FREM1: variants seen among roughly 807,000 people sequenced by gnomAD.
FREM1 encodes the protein FRAS1-related extracellular matrix protein 1.
A neutral mutation model predicts 210.1 loss-of-function variants in FREM1; 220 were observed. That is an observed-to-expected ratio of 1.05 (90% CI 0.94 to 1.17). The LOEUF (loss-of-function observed/expected upper bound fraction) is 1.17. FREM1 is among the 50% of genes most tolerant of loss of function. FREM1 has a pLI of 0.00. For missense variants in FREM1, 3,454 were observed against 2,675.5 expected, an observed-to-expected ratio of 1.29 and a Z score of -6.42; for synonymous variants, 1,189 against 980.2, an observed-to-expected ratio of 1.21 and a Z score of -3.98.
rs764904063 is a variant in FREM1, at chr9:14,848,694, G to T, written c.1232C>A (p.Thr411Lys). The change falls in exon 7 of 37, where the codon ACA becomes AAA. Residue 411 changes from threonine to lysine, a missense_variant. Physicochemically the swap from Thr to Lys is moderately conservative, Grantham distance 78. Coordinates refer to ENST00000380880, the MANE Select transcript of FREM1 (RefSeq NM_001379081.2). ...TVHISIRTAD[T>K]NAPRVSWNTG... ...ATTCCAGGATACACGGGGGGCATTT[G>T]TATCTGCTGTTCTGATGGAGATGTG... 1.9e-5 allele frequency: 31 copies of T among 1,610,838 alleles called. No individual in the cohort carries two copies. In the East Asian group the frequency reaches 6.2e-4, roughly 32 times the overall value.
chr9:14,791,921 C>A (rs1329854199), intron 22 of FREM1, among the ~76,000 whole-genome samples: 3 of 152,050 alleles, frequency 2.0e-5, no homozygotes, highest in Non-Finnish European at 2.9e-5. Flanking sequence ...CAACCTCTCC[C>A]CCCTCTCCCG....
At chr9:14,847,043 G>A (rs1826769492) in intron 7 of FREM1, among the ~76,000 whole-genome samples, 1 of 152,326 alleles carries the variant, frequency 6.6e-6, no homozygotes, top group East Asian at 1.9e-4. Context: ...GCTAAGAGGG[G>A]CCAGATAACA....
intron 29 of FREM1, chr9:14,751,723 G>C (rs1405381853): frequency 6.6e-6 from 1 of 152,022 alleles, no homozygotes; most frequent in Non-Finnish European, 1.5e-5. Flanking sequence ...CCTCTCAACT[G>C]TCCATCTATA....
intron 1 of FREM1, among the ~76,000 whole-genome samples, chr9:14,883,336 T>C (rs1391632583): frequency 3.3e-5 from 5 of 152,214 alleles, no homozygotes; most frequent in African/African-American, 7.2e-5. Context: ...CAACTGAGCC[T>C]AGACTGAAGG....
chr9:14,764,444 T>A (rs1846039259), intron 27 of FREM1, among the ~76,000 whole-genome samples: 1 of 152,240 alleles, frequency 6.6e-6, no homozygotes, highest in Admixed American at 6.5e-5. Flanking sequence ...TGACTTATTC[T>A]GGATTCTTTG....
chr9:14,785,050 C>A (rs1266551022), intron 23 of FREM1, among the ~76,000 whole-genome samples: 1 of 152,146 alleles, frequency 6.6e-6, no homozygotes, highest in Admixed American at 6.6e-5. Context: ...GTCGAATGTT[C>A]ACGTATACCT....
intron 5 of FREM1, among the ~76,000 whole-genome samples, chr9:14,852,655 C>T (rs923407898): frequency 2.0e-5 from 3 of 152,186 alleles, no homozygotes; most frequent in African/African-American, 7.2e-5. Flanking sequence ...GATCATGCCA[C>T]AGTACTTCAG....
At chr9:14,883,268 GA>G (rs1835146508) in intron 1 of FREM1, among the ~76,000 whole-genome samples, 1 of 151,962 alleles carries the variant, frequency 6.6e-6, no homozygotes, top group African/African-American at 2.4e-5. Flanking sequence ...TAGGAGGGGG[GA>G]AAAGTACAAG....
intron 23 of FREM1, among the ~76,000 whole-genome samples, chr9:14,784,875 T>C (rs555845846): frequency 6.6e-6 from 1 of 152,344 alleles, no homozygotes; most frequent in South Asian, 2.1e-4. Context: ...TTAGTAATTA[T>C]GGAAATACAA....
chr9:14,799,550 T>C (rs916082608), intron 20 of FREM1, among the ~76,000 whole-genome samples: 1 of 152,106 alleles, frequency 6.6e-6, no homozygotes, highest in South Asian at 2.1e-4. Context: ...ACAATGATCA[T>C]ATAATTCTTA....
At chr9:14,907,797 TTTAGAAGAC>T (rs2132758703) in intron 1 of FREM1, among the ~76,000 whole-genome samples, 1 of 152,372 alleles carries the variant, frequency 6.6e-6, no homozygotes, top group African/African-American at 2.4e-5. Flanking sequence ...CATATCTGTG[TTTAGAAGAC>T]TGAGTCATAT....
At chr9:14,851,769 C>G (rs1385403851) in intron 5 of FREM1, among the ~76,000 whole-genome samples, 162 bp from the exon 6 acceptor site, 1 of 152,164 alleles carries the variant, frequency 6.6e-6, no homozygotes, top group East Asian at 1.9e-4. Flanking sequence ...TAAACACATG[C>G]TGGTACCTAG....
chr9:14,812,806 G>A lies in FREM1; in HGVS notation c.2893+6C>T. 1 of 1,599,246 alleles carries A rather than the reference G, an allele frequency of 6.3e-7. No individual in the cohort carries two copies. The highest frequency in any genetic ancestry group is 8.5e-7 in the Non-Finnish European group (1 of 1,171,638). The stretch of plus-strand genomic sequence containing the variant: ...TTCCCTCACTGGTCACCATGCTGCT[G>A]CTTACCTGTGTGTTTGTATGTCACG... On this transcript the variant is annotated splice_donor_region_variant and intron_variant, in intron 16 of 36. Coordinates refer to ENST00000380880, the MANE Select transcript of FREM1 (RefSeq NM_001379081.2).
Position 14,806,645 on chromosome 9 carries a change from C to T in FREM1, c.3274+16G>A, listed in dbSNP as rs763051092. 50 of 1,463,640 alleles carry T rather than the reference C, an allele frequency of 3.4e-5. No homozygotes were observed. In the East Asian group the frequency reaches 6.5e-4, roughly 19 times the overall value. The allele number at this position is 1,463,640 out of a possible 1,614,324, so 90.7% of individuals were successfully genotyped here. A position where few individuals can be genotyped will look rare whatever the true frequency, so the allele number is the denominator to read the frequency against. On this transcript the variant is annotated intron_variant, in intron 18 of 36. Coordinates refer to ENST00000380880, the MANE Select transcript of FREM1 (RefSeq NM_001379081.2). Reference sequence around the variant, plus strand: ...TAAGGAAGGGAGTCATTGCTGGTGACGAAGCTACAGCTTACCTATACTTAT... The same window carrying T: ...TAAGGAAGGGAGTCATTGCTGGTGATGAAGCTACAGCTTACCTATACTTAT...
chr9:14,831,006 C>T (rs191565233), intron 10 of FREM1, among the ~76,000 whole-genome samples: 3 of 152,198 alleles, frequency 2.0e-5, no homozygotes, highest in Non-Finnish European at 2.9e-5. Context: ...ACTCAAGTCA[C>T]GGATATAAGG....
Position 14,812,937 on chromosome 9 carries a change from T to A in FREM1, c.2768A>T (p.Asn923Ile), listed in dbSNP as rs2133573602. Residue 923 changes from asparagine to isoleucine, a missense_variant, in exon 16 of 37, where the codon AAC (asparagine) becomes ATC (isoleucine). Coordinates refer to ENST00000380880, the MANE Select transcript of FREM1 (RefSeq NM_001379081.2). ...AGCAATCACAAACATCAACTTCAAG[T>A]TATCGCTGTCCACATCAGTAGCAAA... ...YIFATDVDSD[N>I]LKLMFVIARE... 6.2e-7 allele frequency: 1 copy of A among 1,613,976 alleles called. No homozygotes were observed. The highest frequency in any genetic ancestry group is 8.5e-7 in the Non-Finnish European group (1 of 1,179,866).
intron 24 of FREM1, among the ~76,000 whole-genome samples, chr9:14,778,017 A>G (rs574544644): frequency 5.3e-5 from 8 of 152,228 alleles, no homozygotes; most frequent in Non-Finnish European, 1.0e-4. Context: ...ATCTATGTCC[A>G]AAAAGTTAAA....
rs1002105542 is a variant in FREM1, at chr9:14,816,769, T to G, written c.2640+9A>C. 8 of 1,371,314 alleles carry G rather than the reference T, an allele frequency of 5.8e-6. No individual in the cohort carries two copies. The African/African-American group carries it at 1.1e-4, about 19-fold the overall frequency. 84.9% of individuals were successfully genotyped at this position (1,371,314 alleles called of 1,614,324 possible). On this transcript the variant is annotated intron_variant, in intron 15 of 36. Transcript: ENST00000380880. ...AGACAATAACCCAGGGAAGAAACTTTCTACCCACCTCAACATGTAGTACAA... is the reference window on the plus strand; with the variant it reads ...AGACAATAACCCAGGGAAGAAACTTGCTACCCACCTCAACATGTAGTACAA...
At chr9:14,786,244 G>T (rs191587501) in intron 23 of FREM1, among the ~76,000 whole-genome samples, 1 of 152,132 alleles carries the variant, frequency 6.6e-6, no homozygotes, top group Non-Finnish European at 1.5e-5. Context: ...GAATTCGTAC[G>T]CAAGCCATCT....
Sources: gnomAD v4.1 joint callset for allele counts (sites outside exome capture counted in the v4.1 genomes callset) on GRCh38, gnomAD v4.1.1 for gene constraint, MANE v1.5 for transcripts, NCBI Gene and HGNC (gene_info 2026-07-23, HGNC 2026-07-21) for gene names.